Variants in ITGB8 observed in about 807,000 individuals in gnomAD.
ITGB8 encodes the protein integrin subunit beta 8, also known as integrin beta-8.
Under a neutral mutation model 89.5 loss-of-function variants are expected in ITGB8, and 30 were observed. The ratio of observed to expected loss-of-function variants is 0.34; its 90% CI spans 0.25 to 0.45. ITGB8 has a LOEUF of 0.45. Ranked by LOEUF, ITGB8 falls within the 20% of genes least tolerant of loss-of-function variation. The pLI, the probability that ITGB8 is intolerant of heterozygous loss-of-function variation, is 1.00. For missense variants in ITGB8, 836 were observed against 933.3 expected (o/e 0.90, Z 1.36); for synonymous variants, 335 against 320.4 (o/e 1.05, Z -0.49).
At chr7:20,389,750 T>C (rs1786777799) in intron 6 of ITGB8, among the ~76,000 whole-genome samples, 1 of 152,136 alleles carries the variant, frequency 6.6e-6, no homozygotes, top group Admixed American at 6.6e-5. Flanking sequence ...ACTAGCATTA[T>C]GCAAACTGTC....
chr7:20,404,650 C>G lies in ITGB8; in HGVS notation c.1710C>G (p.Gly570=), dbSNP rs531748633. The part of the protein sequence containing the change: ...LCAGHGECEA[G]RCQCFSGWEG... ...CAGGGCATGGAGAGTGTGAAGCAGG[C>G]AGATGCCAATGCTTCAGTGGCTGGG... Residue 570 remains glycine, a synonymous_variant, in exon 11 of 14, where the codon GGC becomes GGG. Coordinates refer to ENST00000222573, the MANE Select transcript of ITGB8 (RefSeq NM_002214.3). 4.3e-6 allele frequency: 7 copies of G among 1,613,762 alleles called. No individual in the cohort carries two copies. The South Asian group carries it at 7.7e-5, about 18-fold the overall frequency.
intron 1 of ITGB8, among the ~76,000 whole-genome samples, chr7:20,333,576 T>C (rs371677484): frequency 1.3e-3 from 200 of 151,064 alleles, no homozygotes; most frequent in African/African-American, 4.4e-3. Flanking sequence ...TTAAAGTACA[T>C]TTTTAAAAAC....
intron 1 of ITGB8, among the ~76,000 whole-genome samples, chr7:20,351,729 TAG>T (rs1771550168): frequency 1.3e-5 from 2 of 152,240 alleles, no homozygotes; most frequent in African/African-American, 4.8e-5. Flanking sequence ...TCTTACAATA[TAG>T]AGTGTTGCTT....
chr7:20,341,176 C>T (rs1435186192), intron 1 of ITGB8, among the ~76,000 whole-genome samples: 6 of 152,198 alleles, frequency 3.9e-5, no homozygotes. Context: ...CAAGGTATTG[C>T]TCCATTGTGT....
intron 1 of ITGB8, among the ~76,000 whole-genome samples, chr7:20,332,874 A>G (rs1456784045): frequency 1.3e-5 from 2 of 152,060 alleles, no homozygotes; most frequent in East Asian, 1.9e-4. Context: ...ATGGTTTTCA[A>G]TATAGGCCCA....
intron 12 of ITGB8, among the ~76,000 whole-genome samples, chr7:20,407,780 T>C (rs556880667): frequency 5.3e-5 from 8 of 152,238 alleles, no homozygotes; most frequent in Non-Finnish European, 1.0e-4. Context: ...ACAAAAAGTA[T>C]TCTCTTAAAG....
In ITGB8 at chr7:20,379,241, T is replaced by C. The variant is rs1182901337; in HGVS notation, c.579T>C (p.Asp193=). ...GTCTTGGATTTGGCTCATACGTTGA[T>C]AAAACAGTTTCACCATACATTAGCA... is the stretch of plus-strand genomic sequence containing the variant. ...DFRLGFGSYV[D]KTVSPYISIH... The change falls in exon 4 of 14, where the codon GAT becomes GAC. Residue 193 remains aspartate (D), a synonymous_variant. Transcript: ENST00000222573. 2.5e-6 allele frequency: 4 copies of C among 1,611,012 alleles called. No individual in the cohort carries two copies. Among genetic ancestry groups the C allele is most frequent in the Non-Finnish European group, 3.4e-6 (4 of 1,178,076 alleles).
chr7:20,346,912 C>T, intron 1 of ITGB8: 1 of 925,784 alleles, frequency 1.1e-6, no homozygotes, highest in Non-Finnish European at 1.3e-6. Flanking sequence ...GTTTTTGCTT[C>T]TCCAAAATTC....
chr7:20,367,497 ACT>A (rs747851552), intron 3 of ITGB8, among the ~76,000 whole-genome samples: 44 of 152,006 alleles, frequency 2.9e-4, no homozygotes, highest in Admixed American at 1.7e-3. Context: ...TGTTTATTCC[ACT>A]CTCTTTTTCC....
At chr7:20,398,221 T>C (rs1239505281) in intron 8 of ITGB8, among the ~76,000 whole-genome samples, 2 of 152,202 alleles carry the variant, frequency 1.3e-5, no homozygotes, top group Non-Finnish European at 2.9e-5. Flanking sequence ...TATTAAGGAT[T>C]GCAGCAAGCT....
At chr7:20,347,529 C>T (rs545583003) in intron 1 of ITGB8, among the ~76,000 whole-genome samples, 1 of 152,138 alleles carries the variant, frequency 6.6e-6, no homozygotes, top group Non-Finnish European at 1.5e-5. Context: ...GTCTTGGTGA[C>T]TGACAGGTTG....
Position 20,380,721 on chromosome 7 carries a change from A to T in ITGB8, c.691A>T (p.Thr231Ser), listed in dbSNP as rs147814088. 9.0e-5 allele frequency: 146 copies of T among 1,613,360 alleles called. No individual in the cohort carries two copies. The highest frequency in any genetic ancestry group is 2.0e-5 in the Non-Finnish European group (23 of 1,179,384). Residue 231 changes from threonine to serine, a missense_variant, in exon 5 of 14, where the codon ACA becomes TCA. This residue lies in a region of ITGB8 where 192 missense variants were observed against 267.1 expected (regional missense o/e 0.72). Transcript: ENST00000222573. ...TGGATACATCCATGTGCTGTCTTTGACAGAGAACATCACTGAGTTTGAGAA... is the reference window on the plus strand; with the variant it reads ...TGGATACATCCATGTGCTGTCTTTGTCAGAGAACATCACTGAGTTTGAGAA... ...PHGYIHVLSL[T>S]ENITEFEKAV...
intron 1 of ITGB8, among the ~76,000 whole-genome samples, chr7:20,347,369 T>C (rs1371531834): frequency 2.0e-5 from 3 of 152,188 alleles, no homozygotes; most frequent in Non-Finnish European, 4.4e-5. Context: ...TATGTGGTGA[T>C]TTTTAGTGGT....
At chr7:20,372,011 A>T (rs1445399005) in intron 3 of ITGB8, among the ~76,000 whole-genome samples, 1 of 152,116 alleles carries the variant, frequency 6.6e-6, no homozygotes, top group Non-Finnish European at 1.5e-5. Context: ...TTCCTAAGGT[A>T]TTAATCATCT....
chr7:20,340,376 G>A (rs1339955693), intron 1 of ITGB8, among the ~76,000 whole-genome samples: 1 of 152,190 alleles, frequency 6.6e-6, no homozygotes, highest in East Asian at 1.9e-4. Context: ...GACCGAGTTT[G>A]GAAGTGGAGA....
At chr7:20,378,123 G>A (rs1786228443) in intron 3 of ITGB8, among the ~76,000 whole-genome samples, 1 of 152,168 alleles carries the variant, frequency 6.6e-6, no homozygotes, top group Non-Finnish European at 1.5e-5. Context: ...CCATATACTT[G>A]AAATTAAAAG....
chr7:20,349,164 T>A (rs1785029426), intron 1 of ITGB8, among the ~76,000 whole-genome samples: 1 of 152,118 alleles, frequency 6.6e-6, no homozygotes. Flanking sequence ...TAATTCAGAG[T>A]TCCTTTTTGT....
At chr7:20,400,407 AT>A (rs1371177531) in intron 9 of ITGB8, among the ~76,000 whole-genome samples, 1 of 152,172 alleles carries the variant, frequency 6.6e-6, no homozygotes, top group Non-Finnish European at 1.5e-5. Flanking sequence ...AGACAAAAGC[AT>A]TTTAAGCATA....
intron 6 of ITGB8, among the ~76,000 whole-genome samples, chr7:20,390,445 A>C (rs1786808697): frequency 6.6e-6 from 1 of 152,132 alleles, no homozygotes; most frequent in African/African-American, 2.4e-5. Context: ...ATAGTCATTT[A>C]TGTAATCATC....
Sources: allele counts gnomAD v4.1 joint callset (sites outside exome capture counted in the v4.1 genomes callset), GRCh38; gene constraint gnomAD v4.1.1; regional missense constraint gnomAD v4.1.1; transcripts MANE v1.5; gene names NCBI Gene and HGNC (gene_info 2026-07-23, HGNC 2026-07-21).